Variants in SH3PXD2B observed in about 807,000 individuals in gnomAD.
SH3PXD2B encodes SH3 and PX domains 2B.
Under a neutral mutation model 73.1 loss-of-function variants are expected in SH3PXD2B, and 37 were observed. The observed-to-expected ratio is 0.51, with a 90% CI of 0.39 to 0.67. SH3PXD2B has a LOEUF of 0.67. Ranked by LOEUF, SH3PXD2B falls within the 30% of genes least tolerant of loss-of-function variation. The probability of loss-of-function intolerance (pLI) is 0.00; values close to 1 mark genes in which losing one functional copy is unlikely to be tolerated. For synonymous variants in SH3PXD2B, 457 were observed against 480.5 expected, an observed-to-expected ratio of 0.95 and a Z score of 0.64; for missense variants, 1,053 against 1,197.8, an observed-to-expected ratio of 0.88 and a Z score of 1.78.
chr5:172,352,782 C>T (rs1757185401), intron 9 of SH3PXD2B, among the ~76,000 whole-genome samples: 1 of 152,214 alleles, frequency 6.6e-6, no homozygotes, highest in South Asian at 2.1e-4. Context: ...TCACCTCCCG[C>T]CATGATTCTG....
chr5:172,362,488 T>C (rs1757422990), intron 7 of SH3PXD2B, among the ~76,000 whole-genome samples: 1 of 152,152 alleles, frequency 6.6e-6, no homozygotes, highest in South Asian at 2.1e-4. Flanking sequence ...AGAAGGAATG[T>C]TTATAAAATG....
At chr5:172,344,882 G>A (rs1756954991) in intron 12 of SH3PXD2B, among the ~76,000 whole-genome samples, 2 of 152,080 alleles carry the variant, frequency 1.3e-5, no homozygotes, top group East Asian at 1.9e-4. Flanking sequence ...TGTGCCTGGT[G>A]GAGCTGCTGG....
chr5:172,430,553 C>G (rs773672553), intron 1 of SH3PXD2B, among the ~76,000 whole-genome samples: 1 of 152,362 alleles, frequency 6.6e-6, no homozygotes, highest in East Asian at 1.9e-4. Flanking sequence ...ATGCCAACTG[C>G]CACACACTTG....
rs377582173 is a variant in SH3PXD2B at position 172,368,485 on chromosome 5, AT to A, written c.427+5304del. 2.0e-3 allele frequency among the ~76,000 whole-genome samples: 27 copies of A among 13,408 alleles called. 1 individual carries two copies. Among genetic ancestry groups the A allele is most frequent in the East Asian group, 9.1e-3 (1 of 110 alleles). The allele number at this position is 13,408 out of a possible 152,430, so 8.8% of individuals were successfully genotyped here. On this transcript the variant is annotated intron_variant, in intron 6 of 12. Coordinates refer to ENST00000311601, the MANE Select transcript of SH3PXD2B (RefSeq NM_001017995.3). ...TATATATATTATATATATATATAAA[AT>A]ATATATATATTATATATATATATAT...
Position 172,347,860 on chromosome 5 carries a change from C to T in SH3PXD2B, c.1013-528G>A, listed in dbSNP as rs76876272. 2.5e-3 allele frequency among the ~76,000 whole-genome samples: 376 copies of T among 152,256 alleles called. 2 individuals carry two copies. The highest frequency in any genetic ancestry group is 8.2e-3 in the African/African-American group (340 of 41,548). On this transcript the variant is annotated intron_variant, in intron 10 of 12. Transcript: ENST00000311601. Reference sequence around the variant, plus strand: ...GTTTTGTGCTCTAGAACAACCCAAACGCAACAATACACAAACACACTGAAC... The same window carrying T: ...GTTTTGTGCTCTAGAACAACCCAAATGCAACAATACACAAACACACTGAAC...
chr5:172,380,601 C>T (rs1309092646), intron 5 of SH3PXD2B, among the ~76,000 whole-genome samples: 3 of 152,194 alleles, frequency 2.0e-5, no homozygotes, highest in Non-Finnish European at 2.9e-5. Flanking sequence ...ACACTAAGAA[C>T]AAAAACATTA....
intron 4 of SH3PXD2B, among the ~76,000 whole-genome samples, chr5:172,383,932 T>C (rs1326210537): frequency 1.3e-5 from 2 of 151,946 alleles, no homozygotes; most frequent in African/African-American, 2.4e-5. Context: ...CTGCAACCTC[T>C]GCCTCCCGGG....
intron 2 of SH3PXD2B, among the ~76,000 whole-genome samples, chr5:172,411,744 T>A (rs1217822589): frequency 6.6e-6 from 1 of 152,014 alleles, no homozygotes; most frequent in African/African-American, 2.4e-5. Flanking sequence ...ATATTGAATA[T>A]GTTATTTTGA....
chr5:172,419,202 C>T lies in SH3PXD2B; in HGVS notation c.156+3214G>A, dbSNP rs181560919. 2.4e-4 allele frequency among the ~76,000 whole-genome samples: 37 copies of T among 152,290 alleles called. No homozygotes were observed. In the East Asian group the frequency reaches 6.2e-3, roughly 25 times the overall value. On this transcript the variant is annotated intron_variant, in intron 2 of 12. Coordinates refer to ENST00000311601, the MANE Select transcript of SH3PXD2B (RefSeq NM_001017995.3). ...TCTGACTGAAAGCCAAGGTCTTAAG[C>T]CTTAGGCTGCGCTGGAACAGGGAAC...
rs564312253 is a variant in SH3PXD2B, at chr5:172,394,771, T to C, written c.233-132A>G. 1.0e-5 allele frequency: 9 copies of C among 862,600 alleles called. No homozygotes were observed. In the Admixed American group the frequency reaches 1.6e-4, roughly 15 times the overall value. 53.4% of individuals were successfully genotyped at this position (862,600 alleles called of 1,614,324 possible). A position where few individuals can be genotyped will look rare whatever the true frequency, so the allele number is the denominator to read the frequency against. On this transcript the variant is annotated intron_variant, in intron 3 of 12. Coordinates refer to ENST00000311601, the MANE Select transcript of SH3PXD2B (RefSeq NM_001017995.3). ...CCAAAATTCCTGGCTGCGATCAAGG[T>C]ACCCCCACTGGACTTCCGTGAGGCT... is the stretch of plus-strand genomic sequence containing the variant.
At chr5:172,416,714 T>C (rs113862438) in intron 2 of SH3PXD2B, among the ~76,000 whole-genome samples, 15 of 122,848 alleles carry the variant, frequency 1.2e-4, no homozygotes, top group African/African-American at 2.8e-4. Context: ...TTTTTTTTTT[T>C]TTTTTTTTTT....
At chr5:172,366,696 A>C (rs1757534913) in intron 6 of SH3PXD2B, among the ~76,000 whole-genome samples, 1 of 151,710 alleles carries the variant, frequency 6.6e-6, no homozygotes, top group South Asian at 2.1e-4. Flanking sequence ...GCAGCGGTGC[A>C]ATCTCGGCTC....
chr5:172,408,023 G>A (rs1205594024), intron 2 of SH3PXD2B, among the ~76,000 whole-genome samples: 1 of 151,850 alleles, frequency 6.6e-6, no homozygotes, highest in African/African-American at 2.4e-5. Context: ...TGGAGCTCCC[G>A]GCCTCTTTGG....
chr5:172,375,975 A>G (rs1757811810), intron 5 of SH3PXD2B, among the ~76,000 whole-genome samples: 2 of 152,092 alleles, frequency 1.3e-5, no homozygotes, highest in Non-Finnish European at 2.9e-5. Context: ...TCCCACCAGC[A>G]ACGTATGAAG....
At position 172,335,794 on chromosome 5, in the gene SH3PXD2B, A is replaced by AC; in HGVS notation, c.*2574_*2575insG. ...ACCCTGACCCACCCACTGCCTGGGG[A>AC]AGTGTCTACCATTGTAGGAAAAGGA... On this transcript the variant is annotated 3_prime_UTR_variant, in exon 13 of 13. Coordinates refer to ENST00000311601, the MANE Select transcript of SH3PXD2B (RefSeq NM_001017995.3). 1.6e-6 allele frequency: 2 copies of AC among 1,230,212 alleles called. No individual in the cohort carries two copies. The highest frequency in any genetic ancestry group is 2.0e-6 in the Non-Finnish European group (2 of 987,588). 76.2% of individuals were successfully genotyped at this position (1,230,212 alleles called of 1,614,324 possible). A position where few individuals can be genotyped will look rare whatever the true frequency, so the allele number is the denominator to read the frequency against.
At chr5:172,373,875 G>GT in intron 5 of SH3PXD2B, 60 bp from the exon 6 acceptor site, 2 of 1,581,970 alleles carry the variant, frequency 1.3e-6, no homozygotes, top group Non-Finnish European at 1.7e-6. Flanking sequence ...ATGTATTGAC[G>GT]TGAGTTATTC....
intron 1 of SH3PXD2B, among the ~76,000 whole-genome samples, 194 bp from the exon 2 acceptor site, chr5:172,422,690 A>G (rs1380942226): frequency 6.6e-6 from 1 of 152,192 alleles, no homozygotes; most frequent in Non-Finnish European, 1.5e-5. Context: ...ATAACCCCCA[A>G]CAGAGTTGTG....
At position 172,335,663 on chromosome 5, in the gene SH3PXD2B, G is replaced by A. The variant is rs1265292638; in HGVS notation, c.*2706C>T. 4 of 1,231,658 alleles carry A rather than the reference G, an allele frequency of 3.2e-6. No homozygotes were observed. The highest frequency in any genetic ancestry group is 3.0e-6 in the Non-Finnish European group (3 of 988,006). The allele number at this position is 1,231,658 out of a possible 1,614,324, so 76.3% of individuals were successfully genotyped here. A position where few individuals can be genotyped will look rare whatever the true frequency, so the allele number is the denominator to read the frequency against. On this transcript the variant is annotated 3_prime_UTR_variant, in exon 13 of 13. Coordinates refer to ENST00000311601, the MANE Select transcript of SH3PXD2B (RefSeq NM_001017995.3). Reference sequence around the variant, plus strand: ...ACACTTTCTAGAGCCATGACTCCAGGGGAGTTCTGCATATGCGCCATCAAT... The same window carrying A: ...ACACTTTCTAGAGCCATGACTCCAGAGGAGTTCTGCATATGCGCCATCAAT...
chr5:172,362,629 C>A (rs895647974), intron 7 of SH3PXD2B, 106 bp downstream of exon 7: 22 of 1,508,486 alleles, frequency 1.5e-5, no homozygotes, highest in Non-Finnish European at 1.8e-5. Context: ...TCTATGGGAA[C>A]TGGCCAGTCT....
Sources: allele counts gnomAD v4.1 joint callset (sites outside exome capture counted in the v4.1 genomes callset), GRCh38; gene constraint gnomAD v4.1.1; transcripts MANE v1.5; gene names NCBI Gene and HGNC (gene_info 2026-07-23, HGNC 2026-07-21).